Variants in KCNMA1 observed in about 807,000 individuals in gnomAD.
KCNMA1 encodes Calcium-activated potassium channel subunit alpha-1.
A neutral mutation model predicts 140.0 loss-of-function variants in KCNMA1; 29 were observed. The observed-to-expected ratio is 0.21, with a 90% CI of 0.15 to 0.28. The LOEUF is 0.28. Ranked by LOEUF, KCNMA1 falls within the 10% of genes least tolerant of loss-of-function variation. The pLI is 1.00. For missense variants in KCNMA1, 880 were observed against 1,602.2 expected (o/e 0.55, Z 7.70); for synonymous variants, 612 against 611.9 (o/e 1.00, Z 0.00).
intron 1 of KCNMA1, among the ~76,000 whole-genome samples, chr10:77,610,416 C>T (rs1176565641): frequency 6.6e-6 from 1 of 152,196 alleles, no homozygotes; most frequent in African/African-American, 2.4e-5. Flanking sequence ...CCATAGCTGC[C>T]CTCACTGAGC....
intron 1 of KCNMA1, among the ~76,000 whole-genome samples, chr10:77,435,298 C>T (rs2097238225): frequency 6.6e-6 from 1 of 152,104 alleles, no homozygotes; most frequent in African/African-American, 2.4e-5. Flanking sequence ...CTGGTATCAC[C>T]AGTGAAGAAA....
At chr10:77,415,525 G>A (rs1316390554) in intron 1 of KCNMA1, among the ~76,000 whole-genome samples, 1 of 152,210 alleles carries the variant, frequency 6.6e-6, no homozygotes, top group Non-Finnish European at 1.5e-5. Flanking sequence ...CCAGCAGGAA[G>A]GCAAAAATTA....
intron 2 of KCNMA1, among the ~76,000 whole-genome samples, chr10:77,299,218 AC>A (rs2075984641): frequency 6.6e-6 from 1 of 152,052 alleles, no homozygotes; most frequent in African/African-American, 2.4e-5. Context: ...TACTACTACC[AC>A]CCATCATCTC....
Position 77,435,240 on chromosome 10 carries a change from A to C in KCNMA1, c.379-31217T>G, listed in dbSNP as rs536016114. 2.0e-5 allele frequency among the ~76,000 whole-genome samples: 3 copies of C among 152,284 alleles called. No individual in the cohort carries two copies. In the South Asian group the frequency reaches 6.2e-4, roughly 32 times the overall value. On this transcript the variant is annotated intron_variant, in intron 1 of 27. Transcript: ENST00000286628. Reference sequence around the variant, plus strand: ...GCAATGAGCCACTGCACCCAGCTTAAATAAATATATCTTAAGGATACTCCG... The same window carrying C: ...GCAATGAGCCACTGCACCCAGCTTACATAAATATATCTTAAGGATACTCCG...
chr10:77,459,495 G>T (rs2097820246), intron 1 of KCNMA1, among the ~76,000 whole-genome samples: 1 of 152,240 alleles, frequency 6.6e-6, no homozygotes, highest in African/African-American at 2.4e-5. Flanking sequence ...CTTGTGAGCA[G>T]TGCCTGGCTA....
At chr10:77,421,002 A>G (rs1311006212) in intron 1 of KCNMA1, among the ~76,000 whole-genome samples, 1 of 151,802 alleles carries the variant, frequency 6.6e-6, no homozygotes, top group Non-Finnish European at 1.5e-5. Flanking sequence ...CTTCTCAGGG[A>G]CTCCCCCTTG....
chr10:77,046,928 G>T (rs2095090576), intron 14 of KCNMA1, among the ~76,000 whole-genome samples: 1 of 152,212 alleles, frequency 6.6e-6, no homozygotes, highest in African/African-American at 2.4e-5. Context: ...AAGCAGAAGA[G>T]AATAGTGATT....
At position 76,939,110 on chromosome 10, in the gene KCNMA1, C is replaced by CT. The variant is rs71028244; in HGVS notation, c.2902+5662dup. On this transcript the variant is annotated intron_variant, in intron 23 of 27. Transcript: ENST00000286628. ...AAGTCATCCACAGATGCCACCTCTT[C>CT]TTTTTTTTTTTTTTTTTTTTTTTTT... is the stretch of plus-strand genomic sequence containing the variant. The CT allele has an allele frequency of 6.0e-3, 401 of 66,744 alleles. 59 individuals carry two copies. Among genetic ancestry groups the CT allele is most frequent in the African/African-American group, 0.015 (249 of 16,978 alleles). The allele number at this position is 66,744 out of a possible 1,614,324, so 4.1% of individuals were successfully genotyped here.
At chr10:77,541,004 CA>C (rs11433642) in intron 1 of KCNMA1, among the ~76,000 whole-genome samples, 24 of 145,788 alleles carry the variant, frequency 1.6e-4, no homozygotes, top group African/African-American at 1.3e-4. Flanking sequence ...GACTTCCTCT[CA>C]AAAAAAAAAA....
Position 77,007,653 on chromosome 10 carries a change from G to GTGTGTGTATATATATATATATA in KCNMA1, c.2092+4313_2092+4314insTATATATATATATATACACACA. ...ACATCATGGTACATATTGTGTGTGT[G>GTGTGTGTATATATATATATATA]TATATATATATATATATATATATGT... On this transcript the variant is annotated intron_variant, in intron 18 of 27. Coordinates refer to ENST00000286628, the MANE Select transcript of KCNMA1 (RefSeq NM_001161352.2). Among the ~76,000 whole-genome samples the GTGTGTGTATATATATATATATA allele has an allele frequency of 7.3e-3, 649 of 88,362 alleles. 16 individuals are homozygous for GTGTGTGTATATATATATATATA. The highest frequency in any genetic ancestry group is 0.012 in the South Asian group (30 of 2,538). 58.0% of individuals were successfully genotyped at this position (88,362 alleles called of 152,430 possible).
intron 25 of KCNMA1, among the ~76,000 whole-genome samples, chr10:76,897,514 G>A (rs11001923): frequency 6.6e-6 from 1 of 151,978 alleles, no homozygotes; most frequent in Non-Finnish European, 1.5e-5. Flanking sequence ...TAGTTAAATT[G>A]CCAATAATTT....
intron 6 of KCNMA1, among the ~76,000 whole-genome samples, chr10:77,114,062 A>G (rs1164451787): frequency 6.6e-6 from 1 of 152,194 alleles, no homozygotes; most frequent in Non-Finnish European, 1.5e-5. Context: ...CATGTGGCTA[A>G]GGCAGAAATG....
At chr10:76,911,194 T>C (rs1407553363) in intron 24 of KCNMA1, 1 of 127,238 alleles carries the variant, frequency 7.9e-6, no homozygotes, top group Non-Finnish European at 1.6e-5. Context: ...TCTTGATAAC[T>C]CTTCTTTTTT....
At chr10:76,958,307 T>C (rs748433387) in intron 20 of KCNMA1, among the ~76,000 whole-genome samples, 22 of 152,206 alleles carry the variant, frequency 1.4e-4, no homozygotes, top group Non-Finnish European at 3.2e-4. Context: ...TTTCACATCA[T>C]AATGACATTA....
At chr10:77,622,191 G>A (rs567187890) in intron 1 of KCNMA1, among the ~76,000 whole-genome samples, 1 of 152,146 alleles carries the variant, frequency 6.6e-6, no homozygotes, top group Non-Finnish European at 1.5e-5. Context: ...CAACATTTAA[G>A]GTTCCTTCTC....
At chr10:77,111,551 C>A (rs2097324351) in intron 7 of KCNMA1, among the ~76,000 whole-genome samples, 1 of 152,206 alleles carries the variant, frequency 6.6e-6, no homozygotes. Context: ...GCATTAAGGG[C>A]TGGGCAGGAG....
chr10:77,052,927 G>T (rs1224526217), intron 14 of KCNMA1, among the ~76,000 whole-genome samples: 1 of 152,206 alleles, frequency 6.6e-6, no homozygotes, highest in African/African-American at 2.4e-5. Flanking sequence ...CCGTATCAAA[G>T]TATTCCCCCA....
At chr10:77,307,782 C>T (rs1235827144) in intron 2 of KCNMA1, among the ~76,000 whole-genome samples, 3 of 152,144 alleles carry the variant, frequency 2.0e-5, no homozygotes, top group Non-Finnish European at 2.9e-5. Context: ...ATCTCCTGAC[C>T]TCGTGATCCA....
At chr10:77,057,403 T>C (rs796960916) in intron 14 of KCNMA1, among the ~76,000 whole-genome samples, 6 of 152,280 alleles carry the variant, frequency 3.9e-5, no homozygotes, top group African/African-American at 1.4e-4. Flanking sequence ...AAGGAACTGC[T>C]AACATAAGTT....
Sources: allele counts gnomAD v4.1 joint callset (sites outside exome capture counted in the v4.1 genomes callset), GRCh38; gene constraint gnomAD v4.1.1; transcripts MANE v1.5; gene names NCBI Gene and HGNC (gene_info 2026-07-23, HGNC 2026-07-21).